ATP9B: variants seen among roughly 807,000 people sequenced by gnomAD.
ATP9B encodes probable phospholipid-transporting ATPase IIB.
In ATP9B, 110 loss-of-function variants were observed where a neutral mutation model predicts 146.1. The ratio of observed to expected loss-of-function variants is 0.75; its 90% CI spans 0.65 to 0.88. The LOEUF is 0.88. ATP9B is among the 40% of genes least tolerant of loss of function. The pLI, the probability that ATP9B is intolerant of heterozygous loss-of-function variation, is 0.00. For missense variants in ATP9B, 1,499 were observed against 1,496.4 expected (o/e 1.00, Z -0.03); for synonymous variants, 604 against 569.7 (o/e 1.06, Z -0.86).
chr18:79,164,705 C>CGA (rs1213869783), intron 7 of ATP9B, among the ~76,000 whole-genome samples: 1 of 151,902 alleles, frequency 6.6e-6, no homozygotes, highest in Non-Finnish European at 1.5e-5. Context: ...GGTGACAGAG[C>CGA]GAGACTCCAT....
intron 15 of ATP9B, among the ~76,000 whole-genome samples, chr18:79,308,661 AG>A (rs1782411108): frequency 5.2e-5 from 6 of 115,992 alleles, no homozygotes; most frequent in Non-Finnish European, 1.1e-4. Context: ...CCCAGTAGGT[AG>A]AAGGTCAGGG....
intron 15 of ATP9B, among the ~76,000 whole-genome samples, chr18:79,319,345 GGAACAGT>G (rs2096701734): frequency 6.6e-6 from 1 of 152,148 alleles, no homozygotes; most frequent in Admixed American, 6.5e-5. Flanking sequence ...GAATAGAGAG[GGAACAGT>G]TCCCTAGGGG....
At chr18:79,346,296 C>A (rs1211372347) in intron 23 of ATP9B, among the ~76,000 whole-genome samples, 1 of 148,726 alleles carries the variant, frequency 6.7e-6, no homozygotes, top group Non-Finnish European at 1.5e-5. Flanking sequence ...ACATGCTCAG[C>A]ACACACTTGG....
chr18:79,280,082 A>T (rs546506101), intron 13 of ATP9B, among the ~76,000 whole-genome samples: 1 of 152,370 alleles, frequency 6.6e-6, no homozygotes, highest in Admixed American at 6.5e-5. Context: ...GATGTAACAT[A>T]AAAAAGTTTA....
At chr18:79,166,867 C>T (rs1250737509) in intron 7 of ATP9B, among the ~76,000 whole-genome samples, 7 of 152,090 alleles carry the variant, frequency 4.6e-5, no homozygotes, top group Non-Finnish European at 1.0e-4. Flanking sequence ...CCACGCCTGC[C>T]GAGGGTGAGC....
At chr18:79,330,865 A>G (rs528752455) in intron 17 of ATP9B, among the ~76,000 whole-genome samples, 22 of 152,382 alleles carry the variant, frequency 1.4e-4, no homozygotes, top group African/African-American at 4.3e-4. Context: ...AATACTTTAT[A>G]TGTAATCAAA....
chr18:79,190,618 A>ACTGCAACCTCTGCCTCC (rs746313012), intron 8 of ATP9B, among the ~76,000 whole-genome samples: 6 of 151,754 alleles, frequency 4.0e-5, no homozygotes, highest in Non-Finnish European at 7.4e-5. Context: ...ATCTCGGCTC[A>ACTGCAACCTCTGCCTCC]CTGCAACCTC....
At chr18:79,167,482 C>T (rs996771600) in intron 7 of ATP9B, among the ~76,000 whole-genome samples, 7 of 151,836 alleles carry the variant, frequency 4.6e-5, no homozygotes, top group East Asian at 1.9e-4. Context: ...CAGCCCTCAG[C>T]GGACAGGGGA....
At chr18:79,074,529 C>T (rs1001725323) in intron 1 of ATP9B, among the ~76,000 whole-genome samples, 10 of 152,242 alleles carry the variant, frequency 6.6e-5, no homozygotes, top group African/African-American at 1.7e-4. Flanking sequence ...CTGGCTCTCC[C>T]TAATGAGAGA....
intron 11 of ATP9B, among the ~76,000 whole-genome samples, chr18:79,234,814 G>C (rs774256571): frequency 6.6e-6 from 1 of 152,162 alleles, no homozygotes; most frequent in African/African-American, 2.4e-5. Flanking sequence ...TCAGCTCTAT[G>C]TATAAGATTT....
rs373452358 is a variant in ATP9B at position 79,321,569 on chromosome 18, G to A, written c.1774-7572G>A. Among the ~76,000 whole-genome samples, 369 of 152,060 alleles carry A rather than the reference G, an allele frequency of 2.4e-3. 1 individual carries two copies. Among genetic ancestry groups the A allele is most frequent in the South Asian group, 6.4e-3 (31 of 4,812 alleles). On this transcript the variant is annotated intron_variant, in intron 15 of 29. Transcript: ENST00000426216. ...TGGCTATGTTTAATTTTATATTATC[G>A]AAATTCTGTCCAACAACAGGCAAGT...
chr18:79,189,508 G>A (rs1388161428), intron 8 of ATP9B, among the ~76,000 whole-genome samples: 7 of 152,024 alleles, frequency 4.6e-5, no homozygotes, highest in Non-Finnish European at 8.8e-5. Context: ...ACTGTTAATA[G>A]CCTACTGTTC....
At chr18:79,336,317 C>A (rs2096826777) in intron 17 of ATP9B, among the ~76,000 whole-genome samples, 1 of 152,218 alleles carries the variant, frequency 6.6e-6, no homozygotes, top group African/African-American at 2.4e-5. Flanking sequence ...AAAGCCCGTG[C>A]TGTGGTAAAA....
At chr18:79,140,680 T>C (rs960611336) in intron 5 of ATP9B, among the ~76,000 whole-genome samples, 16 of 152,164 alleles carry the variant, frequency 1.1e-4, no homozygotes, top group Admixed American at 1.0e-3. Context: ...CTTGGGAGGC[T>C]GAGGCAGGAG....
At chr18:79,218,163 C>T (rs1402880204) in intron 11 of ATP9B, among the ~76,000 whole-genome samples, 1 of 151,074 alleles carries the variant, frequency 6.6e-6, no homozygotes, top group African/African-American at 2.4e-5. Context: ...TCATGTTTTC[C>T]TCATGTTCTG....
At chr18:79,375,354 T>TA in intron 28 of ATP9B, 40 bp from the exon 29 acceptor site, 1 of 1,566,290 alleles carries the variant, frequency 6.4e-7, no homozygotes, top group Non-Finnish European at 8.8e-7. Flanking sequence ...GTATCTCCTT[T>TA]AATCTGTCCT....
At chr18:79,155,534 C>A (rs1290072077) in intron 7 of ATP9B, among the ~76,000 whole-genome samples, 1 of 152,038 alleles carries the variant, frequency 6.6e-6, no homozygotes, top group Non-Finnish European at 1.5e-5. Flanking sequence ...TTTCTTTCTG[C>A]CCTACATTCC....
At chr18:79,279,558 G>C (rs895777460) in intron 13 of ATP9B, among the ~76,000 whole-genome samples, 5 of 152,198 alleles carry the variant, frequency 3.3e-5, no homozygotes, top group Non-Finnish European at 5.9e-5. Context: ...TCATATGTAT[G>C]AGTTTAATAT....
At chr18:79,076,068 A>T (rs912836593) in intron 1 of ATP9B, among the ~76,000 whole-genome samples, 1 of 152,130 alleles carries the variant, frequency 6.6e-6, no homozygotes. Flanking sequence ...TTATTCTCCC[A>T]TTGGTAATAT....
Sources: gnomAD v4.1 joint callset for allele counts (sites outside exome capture counted in the v4.1 genomes callset) on GRCh38, gnomAD v4.1.1 for gene constraint, MANE v1.5 for transcripts, NCBI Gene and HGNC (gene_info 2026-07-23, HGNC 2026-07-21) for gene names.